TRPM3: variants seen among roughly 807,000 people sequenced by gnomAD.
The protein encoded by TRPM3 is long transient receptor potential channel 3.
A neutral mutation model predicts 181.2 loss-of-function variants in TRPM3; 77 were observed. That is an observed-to-expected ratio of 0.42 (90% CI 0.35 to 0.51). The LOEUF (loss-of-function observed/expected upper bound fraction) is 0.51. TRPM3 is among the 20% of genes least tolerant of loss of function. The pLI, the probability that TRPM3 is intolerant of heterozygous loss-of-function variation, is 0.01. For missense variants in TRPM3, 1,759 were observed against 2,196.7 expected, an observed-to-expected ratio of 0.80 and a Z score of 3.98; for synonymous variants, 745 against 796.4, an observed-to-expected ratio of 0.94 and a Z score of 1.09.
chr9:71,041,396 T>C (rs2058801217), intron 1 of TRPM3, among the ~76,000 whole-genome samples: 4 of 152,202 alleles, frequency 2.6e-5, no homozygotes, highest in Admixed American at 2.6e-4. Flanking sequence ...CAAACCATAA[T>C]AACCCTCTCT....
At chr9:71,404,127 A>G (rs2093392334) in intron 1 of TRPM3, among the ~76,000 whole-genome samples, 1 of 152,192 alleles carries the variant, frequency 6.6e-6, no homozygotes, top group Non-Finnish European at 1.5e-5. Context: ...TCTTTATAAA[A>G]CAAGGGCTGT....
intron 8 of TRPM3, among the ~76,000 whole-genome samples, chr9:70,698,231 TCTTGCTTATATC>T (rs914521409): frequency 1.3e-5 from 2 of 150,570 alleles, no homozygotes; most frequent in Non-Finnish European, 3.0e-5. Context: ...AAAGAATTTT[TCTTGCTTATATC>T]CTTGCCCCTT....
At position 70,784,284 on chromosome 9, in the gene TRPM3, AT is replaced by A. The variant is rs1564272451; in HGVS notation, c.974-6del. 2 of 1,574,086 alleles carry A rather than the reference AT, an allele frequency of 1.3e-6. No homozygotes were observed. Among genetic ancestry groups the A allele is most frequent in the South Asian group, 2.3e-5 (2 of 85,738 alleles). On this transcript the variant is annotated splice_region_variant and splice_polypyrimidine_tract_variant and intron_variant, in intron 6 of 25. Coordinates refer to ENST00000677713, the MANE Select transcript of TRPM3 (RefSeq NM_001366145.2). ...CAGGAACACCTTGACCGATTCCTGCATTAAAAAAGGAAAAGAAAAGGAAAAA... is the reference window on the plus strand; with the variant it reads ...CAGGAACACCTTGACCGATTCCTGCATAAAAAAGGAAAAGAAAAGGAAAAA...
chr9:71,426,449 A>G (rs1394459063), intron 1 of TRPM3, among the ~76,000 whole-genome samples: 1 of 152,102 alleles, frequency 6.6e-6, no homozygotes, highest in Non-Finnish European at 1.5e-5. Flanking sequence ...CTCACAAGCA[A>G]TGAGATAAGG....
intron 22 of TRPM3, chr9:70,579,434 A>G (rs186281468): frequency 6.6e-6 from 1 of 152,378 alleles, no homozygotes; most frequent in African/African-American, 2.4e-5. Flanking sequence ...AGTAGCTGTG[A>G]CTACAGGTGT....
chr9:71,257,013 G>A (rs1276354476), intron 1 of TRPM3, among the ~76,000 whole-genome samples: 1 of 152,136 alleles, frequency 6.6e-6, no homozygotes, highest in Non-Finnish European at 1.5e-5. Context: ...ACCCTAACAT[G>A]GTTAAGCCAG....
chr9:71,418,916 A>G (rs142227397), intron 1 of TRPM3, among the ~76,000 whole-genome samples: 12 of 66,282 alleles, frequency 1.8e-4, no homozygotes, highest in African/African-American at 4.0e-4. Flanking sequence ...GTGTATATAT[A>G]TGTGTGTGTG....
chr9:71,310,618 G>T (rs951398790), intron 1 of TRPM3, among the ~76,000 whole-genome samples: 2 of 151,966 alleles, frequency 1.3e-5, no homozygotes, highest in Non-Finnish European at 2.9e-5. Context: ...ACCCAAGGGG[G>T]GTGTCTTGTA....
At chr9:70,685,280 T>C (rs1012800797) in intron 8 of TRPM3, among the ~76,000 whole-genome samples, 4 of 152,246 alleles carry the variant, frequency 2.6e-5, no homozygotes, top group African/African-American at 9.6e-5. Context: ...AGAATTCTCT[T>C]ACTGTTTTAA....
intron 1 of TRPM3, among the ~76,000 whole-genome samples, chr9:71,222,543 C>A (rs528391148): frequency 1.3e-4 from 20 of 151,978 alleles, no homozygotes; most frequent in Non-Finnish European, 2.8e-4. Flanking sequence ...ATTGTCCTCC[C>A]TGCAGGAATA....
At chr9:71,033,140 C>T (rs774031033) in intron 1 of TRPM3, among the ~76,000 whole-genome samples, 2 of 152,118 alleles carry the variant, frequency 1.3e-5, no homozygotes, top group Non-Finnish European at 2.9e-5. Flanking sequence ...AAGAAAGGGT[C>T]CTAGATGGTT....
intron 1 of TRPM3, among the ~76,000 whole-genome samples, chr9:70,944,903 A>AG (rs113015527): frequency 6.6e-6 from 1 of 151,968 alleles, no homozygotes; most frequent in Admixed American, 6.5e-5. Context: ...AAAAAAAAAA[A>AG]CCACATAAAA....
chr9:71,344,844 TA>T (rs1188719679), intron 1 of TRPM3, among the ~76,000 whole-genome samples: 2 of 152,106 alleles, frequency 1.3e-5, no homozygotes, highest in Non-Finnish European at 2.9e-5. Context: ...AAATGACTTA[TA>T]AACAATATAT....
chr9:71,275,229 T>TAAGTG (rs2084103371), intron 1 of TRPM3, among the ~76,000 whole-genome samples: 1 of 151,324 alleles, frequency 6.6e-6, no homozygotes, highest in Non-Finnish European at 1.5e-5. Flanking sequence ...TGCAGATAAA[T>TAAGTG]CATTTCAATT....
At chr9:70,585,421 C>G (rs1368897570) in intron 22 of TRPM3, among the ~76,000 whole-genome samples, 1 of 152,168 alleles carries the variant, frequency 6.6e-6, no homozygotes, top group Non-Finnish European at 1.5e-5. Context: ...TCCTGTCCAG[C>G]TTCTACTAAG....
intron 19 of TRPM3, among the ~76,000 whole-genome samples, chr9:70,607,796 T>C (rs1280679538): frequency 6.6e-6 from 1 of 152,124 alleles, no homozygotes; most frequent in Non-Finnish European, 1.5e-5. Context: ...CTCTCGGGAG[T>C]CTGTAAACTT....
intron 1 of TRPM3, among the ~76,000 whole-genome samples, chr9:71,102,557 A>G (rs967905557): frequency 1.3e-5 from 2 of 152,006 alleles, no homozygotes; most frequent in African/African-American, 4.8e-5. Context: ...TCTTCACACC[A>G]CACTGCTTCT....
intron 6 of TRPM3, among the ~76,000 whole-genome samples, chr9:70,798,180 G>A (rs1005885677): frequency 4.6e-5 from 7 of 152,138 alleles, no homozygotes; most frequent in Admixed American, 1.3e-4. Context: ...TCAGCCTACA[G>A]AGTAGCTGAG....
chr9:70,973,437 A>G (rs1389164465), intron 1 of TRPM3, among the ~76,000 whole-genome samples: 1 of 152,224 alleles, frequency 6.6e-6, no homozygotes, highest in African/African-American at 2.4e-5. Flanking sequence ...AACTATACCA[A>G]TATAGGAAAG....
Sources: gnomAD v4.1 joint callset for allele counts (sites outside exome capture counted in the v4.1 genomes callset) on GRCh38, gnomAD v4.1.1 for gene constraint, MANE v1.5 for transcripts, NCBI Gene and HGNC (gene_info 2026-07-23, HGNC 2026-07-21) for gene names.